RTL4: variants seen among roughly 807,000 people sequenced by gnomAD.
The protein encoded by RTL4 is retrotransposon Gag like 4.
RTL4 carries 4 observed loss-of-function variants against 5.3 expected under a neutral mutation model. The ratio of observed to expected loss-of-function variants is 0.75; its 90% CI spans 0.37 to 1.72. RTL4 has a LOEUF of 1.72. Among genes scored for constraint, RTL4 ranks in the 40% most tolerant of loss-of-function variants. The pLI is 0.04. For synonymous variants in RTL4, 98 were observed against 87.3 expected, an observed-to-expected ratio of 1.12 and a Z score of -0.68; for missense variants, 260 against 227.1, an observed-to-expected ratio of 1.14 and a Z score of -0.93.
chrX:112,337,427 GCA>G, the RTL4 span, among the ~76,000 whole-genome samples: 1 of 110,340 alleles, frequency 9.1e-6, no homozygotes, highest in Non-Finnish European at 1.9e-5. Flanking sequence ...GGGATTACAG[GCA>G]CCTGCCACCA....
the RTL4 span, among the ~76,000 whole-genome samples, chrX:112,379,142 G>T: frequency 8.9e-6 from 1 of 112,399 alleles, no homozygotes; most frequent in Admixed American, 9.4e-5. Context: ...AAGATGCACT[G>T]GTCTTATCAT....
chrX:112,174,579 T>C, the RTL4 span, among the ~76,000 whole-genome samples: 25 of 99,693 alleles, frequency 2.5e-4, no homozygotes, highest in Non-Finnish European at 4.8e-4. Context: ...TGATTTATAG[T>C]CCTTTGGGTA....
the RTL4 span, among the ~76,000 whole-genome samples, chrX:112,435,945 G>A: frequency 1.8e-5 from 2 of 111,843 alleles, no homozygotes; most frequent in Admixed American, 1.9e-4. Context: ...GGCCCAGCGC[G>A]GTAGCTCACA....
upstream of RTL4, among the ~76,000 whole-genome samples, chrX:112,451,139 A>C (rs982394425): frequency 3.6e-5 from 4 of 111,968 alleles, no homozygotes; most frequent in Admixed American, 9.5e-5. Flanking sequence ...GAAAAAATTT[A>C]AATTCTAAAA....
chrX:112,330,908 AG>A, the RTL4 span, among the ~76,000 whole-genome samples: 2 of 111,256 alleles, frequency 1.8e-5, no homozygotes, highest in African/African-American at 6.5e-5. Context: ...AAATGGGGAA[AG>A]GATTCCCTAT....
At chrX:112,096,770 G>A in the RTL4 span, among the ~76,000 whole-genome samples, 1 of 111,928 alleles carries the variant, frequency 8.9e-6, no homozygotes, top group African/African-American at 3.2e-5. Context: ...AGAGGATGAA[G>A]CCACACCCAA....
At chrX:112,427,097 G>A in the RTL4 span, among the ~76,000 whole-genome samples, 1 of 111,137 alleles carries the variant, frequency 9.0e-6, no homozygotes, top group Non-Finnish European at 1.9e-5. Flanking sequence ...CATGAGAACA[G>A]CATTACTCTA....
At chrX:112,130,878 C>T in the RTL4 span, among the ~76,000 whole-genome samples, 6 of 105,927 alleles carry the variant, frequency 5.7e-5, no homozygotes, top group Non-Finnish European at 1.2e-4. Context: ...ACTGCAACCT[C>T]CTCCTCCCGG....
the RTL4 span, among the ~76,000 whole-genome samples, chrX:112,264,062 C>T: frequency 9.0e-6 from 1 of 111,138 alleles, no homozygotes; most frequent in Non-Finnish European, 1.9e-5. Flanking sequence ...CTTAGGCATC[C>T]CTGGACAGTG....
chrX:112,272,235 T>A, the RTL4 span, among the ~76,000 whole-genome samples: 7,420 of 112,329 alleles, frequency 0.066, 574 homozygotes, highest in African/African-American at 0.23. Context: ...AATTTTAACA[T>A]AATTTAAGCA....
At chrX:112,449,987 A>G (rs768223095), upstream of RTL4, among the ~76,000 whole-genome samples, 6 of 111,894 alleles carry the variant, frequency 5.4e-5, no homozygotes, top group Non-Finnish European at 7.5e-5. Context: ...AGAGTTATTT[A>G]TGTCTCAATT....
the RTL4 span, among the ~76,000 whole-genome samples, chrX:112,161,032 TAACA>T: frequency 9.0e-6 from 1 of 111,498 alleles, no homozygotes; most frequent in Non-Finnish European, 1.9e-5. Flanking sequence ...TCAAAATAAC[TAACA>T]GAGTAAATTT....
At chrX:112,120,168 T>G in the RTL4 span, among the ~76,000 whole-genome samples, 1 of 112,530 alleles carries the variant, frequency 8.9e-6, no homozygotes, top group Non-Finnish European at 1.9e-5. Flanking sequence ...TATAGGATCT[T>G]TTCAAGGATA....
At chrX:112,229,291 A>G in the RTL4 span, among the ~76,000 whole-genome samples, 1 of 112,197 alleles carries the variant, frequency 8.9e-6, no homozygotes, top group African/African-American at 3.2e-5. Flanking sequence ...AGTACTGACT[A>G]TGTGCCAGCT....
the RTL4 span, among the ~76,000 whole-genome samples, chrX:112,352,011 G>T: frequency 1.8e-5 from 2 of 111,514 alleles, no homozygotes; most frequent in African/African-American, 3.3e-5. Context: ...GGTACCAATT[G>T]TTCCTTTCCA....
chrX:112,355,871 C>A, the RTL4 span, among the ~76,000 whole-genome samples: 1 of 111,587 alleles, frequency 9.0e-6, no homozygotes, highest in Non-Finnish European at 1.9e-5. Context: ...TTCTGTACAG[C>A]TGGAGAACAG....
At chrX:112,350,242 G>A in the RTL4 span, among the ~76,000 whole-genome samples, 1 of 110,366 alleles carries the variant, frequency 9.1e-6, no homozygotes, top group Non-Finnish European at 1.9e-5. Flanking sequence ...TAAGCTTTTT[G>A]ATGTGCTGCT....
the RTL4 span, among the ~76,000 whole-genome samples, chrX:112,366,784 T>C: frequency 8.9e-6 from 1 of 112,161 alleles, no homozygotes; most frequent in Non-Finnish European, 1.9e-5. Context: ...TGTGTGTACT[T>C]GATAAGAAAG....
the RTL4 span, among the ~76,000 whole-genome samples, chrX:112,128,572 T>G: frequency 9.5e-6 from 1 of 104,985 alleles, no homozygotes; most frequent in African/African-American, 3.5e-5. Flanking sequence ...GGCAGGAGAC[T>G]CGCTTGAACC....
Sources: gnomAD v4.1 joint callset for allele counts (sites outside exome capture counted in the v4.1 genomes callset) on GRCh38, gnomAD v4.1.1 for gene constraint, MANE v1.5 for transcripts, NCBI Gene and HGNC (gene_info 2026-07-23, HGNC 2026-07-21) for gene names.